KHDRBS2: variants seen among roughly 807,000 people sequenced by gnomAD.
The protein encoded by KHDRBS2 is KH domain-containing, RNA-binding, signal transduction-associated protein 2.
A neutral mutation model predicts 44.3 loss-of-function variants in KHDRBS2; 26 were observed. The ratio of observed to expected loss-of-function variants is 0.59; its 90% CI spans 0.43 to 0.81. The LOEUF is 0.81. Among genes scored for constraint, KHDRBS2 ranks in the 40% least tolerant of loss-of-function variants. KHDRBS2 has a pLI of 0.00. For missense variants in KHDRBS2, 476 were observed against 433.1 expected, an observed-to-expected ratio of 1.10 and a Z score of -0.88; for synonymous variants, 194 against 151.1, an observed-to-expected ratio of 1.28 and a Z score of -2.08.
the KHDRBS2 span, among the ~76,000 whole-genome samples, chr6:61,657,944 A>G: frequency 6.6e-6 from 1 of 152,002 alleles, no homozygotes; most frequent in East Asian, 1.9e-4. Context: ...CTTTCATAGC[A>G]AAAGTTCTTA....
the KHDRBS2 span, among the ~76,000 whole-genome samples, chr6:61,598,443 T>C: frequency 6.6e-6 from 1 of 152,190 alleles, no homozygotes; most frequent in Non-Finnish European, 1.5e-5. Context: ...TGTCCAGTTG[T>C]ATTCTATAGG....
the KHDRBS2 span, among the ~76,000 whole-genome samples, chr6:61,544,010 G>T: frequency 6.6e-6 from 1 of 151,980 alleles, no homozygotes; most frequent in Non-Finnish European, 1.5e-5. Flanking sequence ...AAAAAAAGTA[G>T]TTGGAAACAA....
At chr6:62,257,882 A>C (rs975057732) in intron 1 of KHDRBS2, among the ~76,000 whole-genome samples, 1 of 151,714 alleles carries the variant, frequency 6.6e-6, no homozygotes, top group South Asian at 2.1e-4. Context: ...ATTACAGAAA[A>C]TTTTTTCTCC....
chr6:62,282,708 T>C (rs1430934399), intron 1 of KHDRBS2, among the ~76,000 whole-genome samples: 1 of 152,172 alleles, frequency 6.6e-6, no homozygotes, highest in Non-Finnish European at 1.5e-5. Context: ...CATAAATATA[T>C]TATTAATCAT....
chr6:61,699,910 G>A (rs1289141816), intron 7 of KHDRBS2, among the ~76,000 whole-genome samples: 2 of 151,966 alleles, frequency 1.3e-5, no homozygotes, highest in South Asian at 4.1e-4. Flanking sequence ...TCCTTCGAAT[G>A]ACTTGAGATT....
At chr6:61,954,968 G>A (rs374101955) in intron 4 of KHDRBS2, among the ~76,000 whole-genome samples, 570 of 52,496 alleles carry the variant, frequency 0.011, no homozygotes, top group Non-Finnish European at 0.012. Flanking sequence ...GTATATATAC[G>A]CATACATATG....
chr6:61,870,289 G>A (rs904824831), intron 6 of KHDRBS2, among the ~76,000 whole-genome samples: 2 of 152,134 alleles, frequency 1.3e-5, no homozygotes, highest in African/African-American at 4.8e-5. Context: ...AGTTCGAACG[G>A]GACGGAGCCC....
intron 1 of KHDRBS2, among the ~76,000 whole-genome samples, chr6:62,203,452 T>A (rs1434386276): frequency 6.6e-6 from 1 of 152,030 alleles, no homozygotes; most frequent in Non-Finnish European, 1.5e-5. Flanking sequence ...GAGGAATATA[T>A]AATAAAAGAC....
At chr6:62,219,723 C>G (rs886901050) in intron 1 of KHDRBS2, among the ~76,000 whole-genome samples, 1 of 150,210 alleles carries the variant, frequency 6.7e-6, no homozygotes, top group Non-Finnish European at 1.5e-5. Flanking sequence ...AGGAGACACA[C>G]ACTGAAGTAT....
Position 62,175,159 on chromosome 6 carries a change from T to C in KHDRBS2, c.219+2026A>G, listed in dbSNP as rs558522865. Among the ~76,000 whole-genome samples, 293 of 151,846 alleles carry C rather than the reference T, an allele frequency of 1.9e-3. 1 individual carries two copies. The highest frequency in any genetic ancestry group is 3.3e-3 in the Non-Finnish European group (222 of 67,676). On this transcript the variant is annotated intron_variant, in intron 2 of 8. Transcript: ENST00000281156. ...GTAGGTCAACTTTGATAAGCGAGTA[T>C]AAATCTGCTTCTCAGAATTTCACTC...
intron 3 of KHDRBS2, among the ~76,000 whole-genome samples, chr6:62,012,408 C>T (rs1780469628): frequency 6.6e-6 from 1 of 152,140 alleles, no homozygotes; most frequent in Non-Finnish European, 1.5e-5. Context: ...ATCCACAATC[C>T]TTTTCCACTA....
intron 7 of KHDRBS2, among the ~76,000 whole-genome samples, chr6:61,721,016 C>T (rs541760420): frequency 2.9e-4 from 44 of 151,224 alleles, no homozygotes; most frequent in African/African-American, 1.0e-3. Flanking sequence ...GTTTTCCCAG[C>T]ACCATTTATT....
chr6:62,009,272 T>A (rs1235058573), intron 3 of KHDRBS2, among the ~76,000 whole-genome samples: 1 of 152,118 alleles, frequency 6.6e-6, no homozygotes, highest in Admixed American at 6.5e-5. Flanking sequence ...GCCCTAGAGA[T>A]TTGTGGAACT....
chr6:61,782,266 G>C (rs2127581794), intron 6 of KHDRBS2, among the ~76,000 whole-genome samples: 1 of 152,056 alleles, frequency 6.6e-6, no homozygotes, highest in East Asian at 1.9e-4. Context: ...ATTCAGATTT[G>C]AACCTCTGTC....
intron 3 of KHDRBS2, among the ~76,000 whole-genome samples, chr6:62,008,931 T>C (rs1779788184): frequency 1.3e-5 from 2 of 152,118 alleles, no homozygotes; most frequent in Admixed American, 6.5e-5. Context: ...TCTTTATCAG[T>C]AGTGTGAAAA....
At chr6:62,116,740 G>A (rs1806322031) in intron 2 of KHDRBS2, among the ~76,000 whole-genome samples, 1 of 152,042 alleles carries the variant, frequency 6.6e-6, no homozygotes, top group Non-Finnish European at 1.5e-5. Flanking sequence ...ATAAATGCCA[G>A]TCTCTCTTCA....
chr6:61,591,531 G>A, the KHDRBS2 span, among the ~76,000 whole-genome samples: 1 of 152,074 alleles, frequency 6.6e-6, no homozygotes, highest in Admixed American at 6.5e-5. Flanking sequence ...GATTTCACTG[G>A]TGAGCTGTAT....
At chr6:62,220,942 T>C (rs1370624187) in intron 1 of KHDRBS2, among the ~76,000 whole-genome samples, 4 of 151,952 alleles carry the variant, frequency 2.6e-5, no homozygotes, top group East Asian at 1.9e-4. Context: ...ATTAATCATA[T>C]GACCCAGAAA....
intron 4 of KHDRBS2, among the ~76,000 whole-genome samples, chr6:61,951,365 G>A (rs964823537): frequency 1.1e-4 from 16 of 151,856 alleles, no homozygotes; most frequent in African/African-American, 3.9e-4. Flanking sequence ...GAAAGTAACT[G>A]GACAATTTAT....
Sources: allele counts gnomAD v4.1 joint callset (sites outside exome capture counted in the v4.1 genomes callset), GRCh38; gene constraint gnomAD v4.1.1; transcripts MANE v1.5; gene names NCBI Gene and HGNC (gene_info 2026-07-23, HGNC 2026-07-21).